Variants in CGNL1 observed in about 807,000 individuals in gnomAD.
The protein encoded by CGNL1 is cingulin-like protein 1.
In CGNL1, 132 loss-of-function variants were observed where a neutral mutation model predicts 141.2. That is an observed-to-expected ratio of 0.93 (90% confidence interval 0.81 to 1.08). The LOEUF (loss-of-function observed/expected upper bound fraction) is 1.08, where lower values mean the gene tolerates loss of function less well. Among genes scored for constraint, CGNL1 ranks in the 50% least tolerant of loss-of-function variants. CGNL1 has a pLI of 0.00. For missense variants in CGNL1, 1,870 were observed against 1,588.6 expected (o/e 1.18, Z -3.01); for synonymous variants, 690 against 622.1 (o/e 1.11, Z -1.63).
intron 1 of CGNL1, among the ~76,000 whole-genome samples, chr15:57,422,729 C>T (rs773018923): frequency 1.4e-4 from 21 of 152,068 alleles, no homozygotes; most frequent in Non-Finnish European, 2.2e-4. Flanking sequence ...GATAGTAAGG[C>T]GAAGGTGAGG....
chr15:57,492,255 G>C lies in CGNL1; in HGVS notation c.2404-24525G>C, dbSNP rs78777788. On this transcript the variant is annotated intron_variant, in intron 8 of 18. Transcript: ENST00000281282. ...CATCTTAAGGGAGGTTAGAGGATCTGATCAGTTCATTGATCCTAGAAATTG... is the reference window on the plus strand; with the variant it reads ...CATCTTAAGGGAGGTTAGAGGATCTCATCAGTTCATTGATCCTAGAAATTG... 9.8e-4 allele frequency among the ~76,000 whole-genome samples: 149 copies of C among 152,272 alleles called. No individual in the cohort carries two copies. In the East Asian group the frequency reaches 0.014, roughly 14 times the overall value.
At chr15:57,397,778 A>C (rs914564132) in intron 1 of CGNL1, among the ~76,000 whole-genome samples, 1 of 143,236 alleles carries the variant, frequency 7.0e-6, no homozygotes, top group Non-Finnish European at 1.5e-5. Flanking sequence ...GTACCACTTA[A>C]ATTTCCTCTT....
intron 14 of CGNL1, among the ~76,000 whole-genome samples, chr15:57,535,139 C>A (rs1256523845): frequency 6.6e-6 from 1 of 152,174 alleles, no homozygotes; most frequent in Admixed American, 6.5e-5. Flanking sequence ...GTGATTTGAC[C>A]ACAGTCATGC....
chr15:57,470,702 A>C (rs530835433), intron 8 of CGNL1, among the ~76,000 whole-genome samples: 1 of 152,360 alleles, frequency 6.6e-6, no homozygotes, highest in African/African-American at 2.4e-5. Flanking sequence ...CACCAAGAAT[A>C]TAAAGGCAAG....
intron 1 of CGNL1, among the ~76,000 whole-genome samples, chr15:57,405,391 C>T (rs935737800): frequency 6.6e-6 from 1 of 152,226 alleles, no homozygotes; most frequent in Non-Finnish European, 1.5e-5. Context: ...CTGGGCTACC[C>T]TTAGGTGCTG....
rs2063129271 is a variant in CGNL1 at position 57,438,103 on chromosome 15, C to T, written c.104C>T (p.Ser35Phe). 48 of 1,614,138 alleles carry T rather than the reference C, an allele frequency of 3.0e-5. No homozygotes were observed. The East Asian group carries it at 1.0e-3, about 35-fold the overall frequency. The change falls in exon 2 of 19, where the codon TCC becomes TTC. Residue 35 changes from serine (S) to phenylalanine (F), a missense_variant. Physicochemically the swap from Ser to Phe is radical, Grantham distance 155. Coordinates refer to ENST00000281282, the MANE Select transcript of CGNL1 (RefSeq NM_032866.5). Reference protein sequence around the residue: ...DTQKSRSSQNSKAGSYGVSIR... With the variant: ...DTQKSRSSQNFKAGSYGVSIR... Reference sequence around the variant, plus strand: ...CAAAAATCAAGGAGTTCCCAGAACTCCAAGGCAGGCTCCTACGGTGTCAGT... The same window carrying T: ...CAAAAATCAAGGAGTTCCCAGAACTTCAAGGCAGGCTCCTACGGTGTCAGT...
At chr15:57,490,079 T>G (rs992273600) in intron 8 of CGNL1, among the ~76,000 whole-genome samples, 2 of 152,104 alleles carry the variant, frequency 1.3e-5, no homozygotes. Context: ...TACTGTAGAC[T>G]GGACTTTTAC....
chr15:57,496,793 C>G (rs1280371), intron 8 of CGNL1, among the ~76,000 whole-genome samples: 146,672 of 152,210 alleles, frequency 0.96, 70,855 homozygotes, highest in Non-Finnish European at 1. Flanking sequence ...TCAATAAAAT[C>G]AGGATAATTA....
intron 8 of CGNL1, among the ~76,000 whole-genome samples, chr15:57,478,848 A>C (rs1278085228): frequency 6.6e-6 from 1 of 152,010 alleles, no homozygotes; most frequent in Non-Finnish European, 1.5e-5. Context: ...CGTGTTGCTC[A>C]TGTTGGTATC....
At chr15:57,480,627 G>T (rs1376113364) in intron 8 of CGNL1, among the ~76,000 whole-genome samples, 1 of 152,196 alleles carries the variant, frequency 6.6e-6, no homozygotes, top group Non-Finnish European at 1.5e-5. Context: ...AGTTGTACCT[G>T]TCTCTAGTGG....
At chr15:57,446,532 A>G (rs1216847964) in intron 4 of CGNL1, among the ~76,000 whole-genome samples, 1 of 152,156 alleles carries the variant, frequency 6.6e-6, no homozygotes, top group Non-Finnish European at 1.5e-5. Context: ...AGCAGGATTC[A>G]TTAATGTTGC....
Position 57,547,472 on chromosome 15 carries a change from C to T in CGNL1, c.3891C>T (p.Thr1297=), listed in dbSNP as rs768320922. 3.2e-5 allele frequency: 51 copies of T among 1,613,880 alleles called. No individual in the cohort carries two copies. The highest frequency in any genetic ancestry group is 4.0e-5 in the African/African-American group (3 of 74,916). The change falls in exon 19 of 19, where the codon ACC becomes ACT. Residue 1297 remains threonine, a synonymous_variant. Coordinates refer to ENST00000281282, the MANE Select transcript of CGNL1 (RefSeq NM_032866.5). ...PVSYTFSKDS[T]VASQI ...GCTACACATTCTCCAAGGACAGCAC[C>T]GTCGCCAGCCAGATCTGAGTGCTCT...
chr15:57,546,799 G>A (rs2032894073), intron 18 of CGNL1, among the ~76,000 whole-genome samples: 1 of 152,226 alleles, frequency 6.6e-6, no homozygotes, highest in Middle Eastern at 3.4e-3. Flanking sequence ...TAGGTTCATG[G>A]TAATCCATAG....
intron 2 of CGNL1, among the ~76,000 whole-genome samples, chr15:57,439,955 T>C (rs1048697259): frequency 5.3e-5 from 8 of 152,336 alleles, no homozygotes; most frequent in South Asian, 2.1e-4. Flanking sequence ...TGTGTAGGTA[T>C]ATTAATTTTC....
intron 1 of CGNL1, among the ~76,000 whole-genome samples, chr15:57,432,037 A>G (rs1452674643): frequency 2.6e-5 from 4 of 152,164 alleles, no homozygotes; most frequent in African/African-American, 4.8e-5. Context: ...TGCTCTTTTA[A>G]GTGATTTGTA....
intron 1 of CGNL1, chr15:57,402,831 G>GT (rs1207443625): frequency 1.3e-5 from 2 of 152,176 alleles, no homozygotes; most frequent in African/African-American, 2.4e-5. Flanking sequence ...GGGACCTTTT[G>GT]TTTTTTGCCA....
chr15:57,470,708 G>A (rs886515160), intron 8 of CGNL1, among the ~76,000 whole-genome samples: 1 of 152,204 alleles, frequency 6.6e-6, no homozygotes. Flanking sequence ...GAATATAAAG[G>A]CAAGCAAGCT....
At chr15:57,523,144 G>A (rs761550764) in intron 10 of CGNL1, among the ~76,000 whole-genome samples, 11 of 152,212 alleles carry the variant, frequency 7.2e-5, no homozygotes, top group Non-Finnish European at 1.6e-4. Context: ...TTGTTGTAAT[G>A]TATAACTTGA....
chr15:57,434,775 T>C (rs560606048), intron 1 of CGNL1, among the ~76,000 whole-genome samples: 1 of 152,336 alleles, frequency 6.6e-6, no homozygotes, highest in Admixed American at 6.5e-5. Context: ...CTGGCTTCTA[T>C]GTCCAGCTAG....
Sources: gnomAD v4.1 joint callset for allele counts (sites outside exome capture counted in the v4.1 genomes callset) on GRCh38, gnomAD v4.1.1 for gene constraint, MANE v1.5 for transcripts, NCBI Gene and HGNC (gene_info 2026-07-23, HGNC 2026-07-21) for gene names.